Variants in ATP8A1 observed in about 807,000 individuals in gnomAD.
ATP8A1 encodes the protein phospholipid-transporting ATPase IA.
Under a neutral mutation model 177.7 loss-of-function variants are expected in ATP8A1, and 90 were observed. The observed-to-expected ratio is 0.51, with a 90% CI of 0.43 to 0.60. The LOEUF is 0.60. Ranked by LOEUF, ATP8A1 falls within the 20% of genes least tolerant of loss-of-function variation. The probability of loss-of-function intolerance (pLI) is 0.00; values close to 1 mark genes in which losing one functional copy is unlikely to be tolerated. For synonymous variants in ATP8A1, 493 were observed against 485.9 expected, an observed-to-expected ratio of 1.01 and a Z score of -0.19; for missense variants, 1,072 against 1,392.8, an observed-to-expected ratio of 0.77 and a Z score of 3.67.
rs529848315 is a variant in ATP8A1, at chr4:42,653,094, C to T, written c.49+3731G>A. Among the ~76,000 whole-genome samples the T allele has an allele frequency of 9.9e-5, 15 of 152,192 alleles. No individual in the cohort carries two copies. The South Asian group carries it at 3.1e-3, about 32-fold the overall frequency. On this transcript the variant is annotated intron_variant, in intron 1 of 36. Transcript: ENST00000381668. ...TGTGACCTCATTTCCTACTATTCTT[C>T]CCCTCACCGTTCCTAATTCCCGATT...
intron 4 of ATP8A1, among the ~76,000 whole-genome samples, chr4:42,619,553 T>A (rs1223695980): frequency 6.6e-6 from 1 of 151,820 alleles, no homozygotes; most frequent in Non-Finnish European, 1.5e-5. Context: ...TGGGGGTGGA[T>A]AAGTCTTCAG....
intron 22 of ATP8A1, 70 bp from the exon 23 acceptor site, chr4:42,507,224 G>T: frequency 2.7e-6 from 4 of 1,468,586 alleles, no homozygotes; most frequent in Non-Finnish European, 3.7e-6. Flanking sequence ...AAATTGAAGT[G>T]TGTATATGTT....
chr4:42,640,782 C>T (rs1219857021), intron 1 of ATP8A1, among the ~76,000 whole-genome samples: 1 of 152,120 alleles, frequency 6.6e-6, no homozygotes, highest in East Asian at 1.9e-4. Context: ...ATCTCCTGGC[C>T]TGGCCTAGTA....
chr4:42,579,938 C>T lies in ATP8A1; in HGVS notation c.875G>A (p.Arg292Gln), dbSNP rs372573029. ...AATCAAAATTTGTACATTTGTAATC[C>T]GTTCCACATTTGAGAGCTTAAGTGG... Reference protein sequence around the residue: ...SPPLKLSNVERITNVQILILF... With the variant: ...SPPLKLSNVEQITNVQILILF... The change falls in exon 11 of 37, where the codon CGG becomes CAG. Residue 292 changes from arginine to glutamine, a missense_variant. This residue lies in a region of ATP8A1 where 344 missense variants were observed against 393.5 expected (regional missense o/e 0.87). Transcript: ENST00000381668. The T allele has an allele frequency of 1.6e-5, 25 of 1,611,242 alleles. No homozygotes were observed. Among genetic ancestry groups the T allele is most frequent in the Non-Finnish European group, 2.0e-5 (23 of 1,178,488 alleles).
intron 16 of ATP8A1, among the ~76,000 whole-genome samples, chr4:42,554,363 G>C (rs1729833042): frequency 6.6e-6 from 1 of 152,168 alleles, no homozygotes; most frequent in Non-Finnish European, 1.5e-5. Flanking sequence ...AGGCATCAAA[G>C]ACAACCCTCT....
chr4:42,511,053 A>C (rs1724958289), intron 22 of ATP8A1, among the ~76,000 whole-genome samples: 1 of 152,200 alleles, frequency 6.6e-6, no homozygotes, highest in African/African-American at 2.4e-5. Context: ...CCTATGAAGG[A>C]AACACTGTAC....
At chr4:42,612,006 C>A (rs1462972181) in intron 5 of ATP8A1, among the ~76,000 whole-genome samples, 2 of 152,060 alleles carry the variant, frequency 1.3e-5, no homozygotes, top group Non-Finnish European at 2.9e-5. Context: ...CTGAACAGGG[C>A]AGTGCTTTGA....
intron 35 of ATP8A1, among the ~76,000 whole-genome samples, 178 bp downstream of exon 35, chr4:42,422,629 C>T (rs942808599): frequency 3.3e-5 from 5 of 152,092 alleles, no homozygotes; most frequent in African/African-American, 1.2e-4. Flanking sequence ...GCAACGTAGC[C>T]AAGGGCACAG....
At chr4:42,443,172 A>C (rs908354774) in intron 33 of ATP8A1, among the ~76,000 whole-genome samples, 3 of 152,240 alleles carry the variant, frequency 2.0e-5, no homozygotes, top group African/African-American at 7.2e-5. Flanking sequence ...GGAATAAGAG[A>C]TAACAGAAGA....
At chr4:42,484,099 T>C (rs1210262657) in intron 25 of ATP8A1, among the ~76,000 whole-genome samples, 1 of 152,230 alleles carries the variant, frequency 6.6e-6, no homozygotes, top group African/African-American at 2.4e-5. Context: ...TGCCACATTA[T>C]TCTGATGAAA....
intron 19 of ATP8A1, among the ~76,000 whole-genome samples, chr4:42,546,589 A>C (rs1446600804): frequency 2.0e-5 from 3 of 151,788 alleles, no homozygotes; most frequent in African/African-American, 4.8e-5. Context: ...AATAAAAAAA[A>C]AAAAAACAAA....
chr4:42,485,875 G>C (rs1394517761), intron 24 of ATP8A1, among the ~76,000 whole-genome samples: 2 of 152,126 alleles, frequency 1.3e-5, no homozygotes, highest in African/African-American at 4.8e-5. Context: ...TTACTTGATT[G>C]AAGTCACACA....
intron 25 of ATP8A1, among the ~76,000 whole-genome samples, chr4:42,470,271 A>C (rs1317170923): frequency 2.6e-5 from 4 of 152,166 alleles, no homozygotes; most frequent in Non-Finnish European, 5.9e-5. Context: ...GTTTCTGCAC[A>C]TGTTATTCAT....
chr4:42,549,930 A>T (rs1262907508), intron 18 of ATP8A1, among the ~76,000 whole-genome samples: 1 of 152,266 alleles, frequency 6.6e-6, no homozygotes, highest in Non-Finnish European at 1.5e-5. Context: ...ACTAAATAAT[A>T]ATTTTTAAAT....
At chr4:42,570,443 G>A (rs1341900817) in intron 14 of ATP8A1, among the ~76,000 whole-genome samples, 1 of 152,226 alleles carries the variant, frequency 6.6e-6, no homozygotes, top group African/African-American at 2.4e-5. Context: ...CCCATGGACT[G>A]TGCCAGGGAA....
chr4:42,634,205 G>A (rs1310720374), intron 1 of ATP8A1, among the ~76,000 whole-genome samples: 2 of 152,190 alleles, frequency 1.3e-5, no homozygotes, highest in South Asian at 2.1e-4. Context: ...GAGCTGGCAT[G>A]AGCCATATAA....
intron 27 of ATP8A1, among the ~76,000 whole-genome samples, chr4:42,462,005 G>T (rs1474130168): frequency 6.6e-6 from 1 of 152,162 alleles, no homozygotes; most frequent in Non-Finnish European, 1.5e-5. Context: ...TGAGAGAGAT[G>T]ATTTAGAGTA....
intron 18 of ATP8A1, among the ~76,000 whole-genome samples, chr4:42,550,807 T>C (rs1729429940): frequency 6.6e-6 from 1 of 152,192 alleles, no homozygotes; most frequent in Non-Finnish European, 1.5e-5. Flanking sequence ...GCCATCCATA[T>C]AGCTTCTCTT....
At chr4:42,512,673 A>C (rs1725125990) in intron 22 of ATP8A1, among the ~76,000 whole-genome samples, 1 of 152,200 alleles carries the variant, frequency 6.6e-6, no homozygotes, top group Non-Finnish European at 1.5e-5. Flanking sequence ...CCAAGTAATT[A>C]ATTAGCCACC....
Sources: gnomAD v4.1 joint callset for allele counts (sites outside exome capture counted in the v4.1 genomes callset) on GRCh38, gnomAD v4.1.1 for gene constraint, gnomAD v4.1.1 regional missense constraint, MANE v1.5 for transcripts, NCBI Gene and HGNC (gene_info 2026-07-23, HGNC 2026-07-21) for gene names.